The following SLC38A3 variants were observed in gnomAD, a reference collection of about 807,000 sequenced individuals.
SLC38A3 encodes sodium-coupled neutral amino acid transporter 3.
In SLC38A3, 17 loss-of-function variants were observed where a neutral mutation model predicts 59.5. The ratio of observed to expected loss-of-function variants is 0.29; its 90% confidence interval spans 0.20 to 0.43. The LOEUF (loss-of-function observed/expected upper bound fraction) is 0.43, where lower values mean the gene tolerates loss of function less well. Among genes scored for constraint, SLC38A3 ranks in the 20% least tolerant of loss-of-function variants. The pLI is 1.00. For missense variants in SLC38A3, 454 were observed against 653.9 expected, an observed-to-expected ratio of 0.69 and a Z score of 3.33; for synonymous variants, 238 against 260.3, an observed-to-expected ratio of 0.91 and a Z score of 0.82.
At position 50,215,696 on chromosome 3, in the gene SLC38A3, T is replaced by A; in HGVS notation, c.467-44T>A. ...GTGGACAGCCCTGAAAGCTGGCTGG[T>A]TGGGCTGACCTCAGCGCCTGCCTGC... On this transcript the variant is annotated intron_variant, in intron 6 of 15. Coordinates refer to ENST00000614032, the MANE Select transcript of SLC38A3 (RefSeq NM_006841.6). The surrounding 1 kb of genome is among the most constrained non-coding windows in gnomAD (Gnocchi z 7.1). The A allele has an allele frequency of 6.2e-7, 1 of 1,609,196 alleles. No homozygotes were observed. Among genetic ancestry groups the A allele is most frequent in the Non-Finnish European group, 8.5e-7 (1 of 1,177,064 alleles).
At chr3:50,211,388 T>C (rs1433554985) in intron 1 of SLC38A3, among the ~76,000 whole-genome samples, 1 of 152,190 alleles carries the variant, frequency 6.6e-6, no homozygotes, top group Non-Finnish European at 1.5e-5. Flanking sequence ...CAGGTTTGTC[T>C]GTTGCCACAG....
chr3:50,219,799 T>G, intron 14 of SLC38A3, 82 bp from the exon 15 acceptor site: 2 of 1,136,670 alleles, frequency 1.8e-6, no homozygotes, highest in Non-Finnish European at 2.6e-6. Flanking sequence ...AAGGAGTGTT[T>G]GATCTCATTG....
At position 50,218,200 on chromosome 3, in the gene SLC38A3, T is replaced by C; in HGVS notation, c.936-70T>C. The C allele has an allele frequency of 8.3e-7, 1 of 1,207,310 alleles. No individual in the cohort carries two copies. Among genetic ancestry groups the C allele is most frequent in the Non-Finnish European group, 1.2e-6 (1 of 811,674 alleles). The allele number at this position is 1,207,310 out of a possible 1,614,324, so 74.8% of individuals were successfully genotyped here. On this transcript the variant is annotated intron_variant, in intron 11 of 15. Transcript: ENST00000614032. This position sits in a 1 kb window ranked among gnomAD's most constrained non-coding sequence, Gnocchi z 5.8. ...GTGAAAGTATGGTGCCAGAGAGAGC[T>C]TGGGGCACATGGGGGTCTCCCAATG...
intron 1 of SLC38A3, among the ~76,000 whole-genome samples, chr3:50,205,859 C>T (rs1049901154): frequency 2.6e-5 from 4 of 152,242 alleles, no homozygotes; most frequent in African/African-American, 9.6e-5. Flanking sequence ...ATCTCGGCTG[C>T]TCCGGACAAG....
At chr3:50,207,609 C>CG (rs1436386186) in intron 1 of SLC38A3, 1 of 152,242 alleles carries the variant, frequency 6.6e-6, no homozygotes, top group East Asian at 1.9e-4. Flanking sequence ...TAAGCCACCG[C>CG]GCCCGGCCAT....
rs1559754662 is a variant in SLC38A3 at position 50,215,340 on chromosome 3, GC to G, written c.300-40del. The G allele has an allele frequency of 6.3e-6, 10 of 1,577,460 alleles. No individual in the cohort carries two copies. Among genetic ancestry groups the G allele is most frequent in the Non-Finnish European group, 8.7e-6 (10 of 1,146,948 alleles). ...CCCTCACCCTCTGCCAGCCACGGTA[GC>G]CCCCCAGTGGCCTCTTTTTCTTCCA... On this transcript the variant is annotated intron_variant, in intron 4 of 15. Transcript: ENST00000614032. The surrounding 1 kb of genome is among the most constrained non-coding windows in gnomAD (Gnocchi z 7.1).
chr3:50,210,673 C>A (rs181141608), intron 1 of SLC38A3, among the ~76,000 whole-genome samples: 1 of 152,148 alleles, frequency 6.6e-6, no homozygotes, highest in African/African-American at 2.4e-5. Flanking sequence ...CAACACCTGC[C>A]GAGGTGTGCC....
chr3:50,213,929 T>G (rs1188860916), intron 1 of SLC38A3, among the ~76,000 whole-genome samples: 1 of 152,114 alleles, frequency 6.6e-6, no homozygotes, highest in African/African-American at 2.4e-5. Flanking sequence ...AAGTGCATTA[T>G]GTACTGGCTA....
rs1699879824 is a variant in SLC38A3, at chr3:50,220,307, C to G, written c.*130C>G. ...TAACACTGTGGCATTCAGCCAGGCC[C>G]CATGTCCTCTCTGTGGAAGGTTTTT... is the stretch of plus-strand genomic sequence containing the variant. On this transcript the variant is annotated 3_prime_UTR_variant, in exon 16 of 16. Transcript: ENST00000614032. 1.4e-6 allele frequency: 1 copy of G among 718,028 alleles called. No individual in the cohort carries two copies. The allele number at this position is 718,028 out of a possible 1,614,324, so 44.5% of individuals were successfully genotyped here.
intron 1 of SLC38A3, among the ~76,000 whole-genome samples, chr3:50,209,356 T>C (rs1251520058): frequency 6.6e-6 from 1 of 152,112 alleles, no homozygotes; most frequent in African/African-American, 2.4e-5. Flanking sequence ...TTAGAAAACG[T>C]ACCTGGCCAT....
At chr3:50,209,766 G>A (rs988932619) in intron 1 of SLC38A3, among the ~76,000 whole-genome samples, 3 of 152,180 alleles carry the variant, frequency 2.0e-5, no homozygotes, top group African/African-American at 7.2e-5. Context: ...AGAACACAGA[G>A]CCACAGACCC....
At position 50,214,194 on chromosome 3, in the gene SLC38A3, T is replaced by C; in HGVS notation, c.-6T>C. Reference sequence around the variant, plus strand: ...GACCAGTGCTCCTGGTGGTGTGCCCTGAGCCATGGAGGCGCCTTTGCAGAC... The same window carrying C: ...GACCAGTGCTCCTGGTGGTGTGCCCCGAGCCATGGAGGCGCCTTTGCAGAC... On this transcript the variant is annotated 5_prime_UTR_variant, in exon 2 of 16. Coordinates refer to ENST00000614032, the MANE Select transcript of SLC38A3 (RefSeq NM_006841.6). This position sits in a 1 kb window ranked among gnomAD's most constrained non-coding sequence, Gnocchi z 6.0. 6.2e-7 allele frequency: 1 copy of C among 1,612,792 alleles called. No homozygotes were observed. The highest frequency in any genetic ancestry group is 1.1e-5 in the South Asian group (1 of 90,892).
rs1247302161 is a variant in SLC38A3 at position 50,218,416 on chromosome 3, A to G, written c.1036+46A>G. ...AGAGGCCTAGGCTAGGCTGGGGGGA[A>G]GGGGCTGGTTGTGGCCATGGTGCCC... is the stretch of plus-strand genomic sequence containing the variant. On this transcript the variant is annotated intron_variant, in intron 12 of 15. Transcript: ENST00000614032. The surrounding 1 kb of genome is among the most constrained non-coding windows in gnomAD (Gnocchi z 5.8). The G allele has an allele frequency of 6.5e-7, 1 of 1,544,474 alleles. No individual in the cohort carries two copies. The highest frequency in any genetic ancestry group is 2.2e-5 in the East Asian group (1 of 44,506).
chr3:50,216,796 G>A (rs1038446699), intron 7 of SLC38A3, among the ~76,000 whole-genome samples: 1 of 141,356 alleles, frequency 7.1e-6, no homozygotes, highest in African/African-American at 3.1e-5. Context: ...TTTGTGAGAC[G>A]GAGTCTCGCT....
chr3:50,218,139 T>C lies in SLC38A3; in HGVS notation c.936-131T>C, dbSNP rs150319184. On this transcript the variant is annotated intron_variant, in intron 11 of 15. Transcript: ENST00000614032. The surrounding 1 kb of genome is among the most constrained non-coding windows in gnomAD (Gnocchi z 5.8). Reference sequence around the variant, plus strand: ...GTCCTTGGCAGCCATGAGAGGTGATTATGAGCAAGAAGGAGACTCCCTCAG... The same window carrying C: ...GTCCTTGGCAGCCATGAGAGGTGATCATGAGCAAGAAGGAGACTCCCTCAG... The C allele has an allele frequency of 6.4e-4, 687 of 1,070,166 alleles. 6 individuals carry two copies. The Middle Eastern group carries it at 0.01, about 16-fold the overall frequency. 66.3% of individuals were successfully genotyped at this position (1,070,166 alleles called of 1,614,324 possible).
chr3:50,219,520 C>T (rs774005589), intron 14 of SLC38A3, among the ~76,000 whole-genome samples: 4 of 152,218 alleles, frequency 2.6e-5, no homozygotes, highest in Non-Finnish European at 2.9e-5. Flanking sequence ...AAATCCAACT[C>T]GAAATGAATT....
Position 50,214,502 on chromosome 3 carries a change from G to A in SLC38A3, c.183+19G>A. The stretch of plus-strand genomic sequence containing the variant: ...CACTGACGTGAGCAGGGCAGCAACG[G>A]GTTTTAGGGGACACTGTGGGGAGCT... On this transcript the variant is annotated intron_variant, in intron 3 of 15. Transcript: ENST00000614032. This position sits in a 1 kb window ranked among gnomAD's most constrained non-coding sequence, Gnocchi z 6.0. The A allele has an allele frequency of 6.4e-7, 1 of 1,553,472 alleles. No individual in the cohort carries two copies. Among genetic ancestry groups the A allele is most frequent in the Non-Finnish European group, 8.7e-7 (1 of 1,146,798 alleles).
chr3:50,209,061 G>T (rs1661521249), intron 1 of SLC38A3, among the ~76,000 whole-genome samples: 1 of 152,202 alleles, frequency 6.6e-6, no homozygotes, highest in African/African-American at 2.4e-5. Context: ...GGGATTCCGG[G>T]TCAGCAGGGA....
chr3:50,209,588 G>C (rs1699695871), intron 1 of SLC38A3, among the ~76,000 whole-genome samples: 1 of 151,678 alleles, frequency 6.6e-6, no homozygotes, highest in Non-Finnish European at 1.5e-5. Flanking sequence ...GGCGGAGGTT[G>C]CAGTGAGCCG....
Sources: gnomAD v4.1 joint callset for allele counts (sites outside exome capture counted in the v4.1 genomes callset) on GRCh38, gnomAD v4.1.1 for gene constraint, Gnocchi (gnomAD v3.1) non-coding constraint, MANE v1.5 for transcripts, NCBI Gene and HGNC (gene_info 2026-07-23, HGNC 2026-07-21) for gene names.